QKI: variants seen among roughly 807,000 people sequenced by gnomAD.
QKI encodes the protein QKI, KH domain containing RNA binding, also known as KH domain-containing RNA-binding protein QKI.
In QKI, 10 loss-of-function variants were observed where a neutral mutation model predicts 39.0. The observed-to-expected ratio is 0.26, with a 90% CI of 0.16 to 0.43. QKI has a LOEUF of 0.43. QKI is among the 20% of genes least tolerant of loss of function. QKI has a pLI of 1.00. For missense variants in QKI, 218 were observed against 428.0 expected (o/e 0.51, Z 4.33); for synonymous variants, 204 against 155.4 (o/e 1.31, Z -2.33).
intron 3 of QKI, among the ~76,000 whole-genome samples, chr6:163,531,345 A>T (rs1161137368): frequency 6.6e-6 from 1 of 152,160 alleles, no homozygotes; most frequent in African/African-American, 2.4e-5. Context: ...CAGTTTGAGC[A>T]AGTGTTTTAC....
intron 1 of QKI, among the ~76,000 whole-genome samples, chr6:163,439,377 T>C (rs1789573483): frequency 1.4e-5 from 2 of 145,446 alleles, no homozygotes; most frequent in Non-Finnish European, 1.5e-5. Context: ...GGACGGAGTC[T>C]CACTCTGTTG....
intron 1 of QKI, among the ~76,000 whole-genome samples, chr6:163,425,739 T>C (rs1788356704): frequency 1.3e-5 from 2 of 152,192 alleles, no homozygotes; most frequent in Admixed American, 1.3e-4. Flanking sequence ...TCCTGAAGGA[T>C]TGAGAACATG....
intron 1 of QKI, among the ~76,000 whole-genome samples, chr6:163,441,123 G>A (rs570280061): frequency 4.6e-5 from 7 of 151,986 alleles, no homozygotes; most frequent in South Asian, 2.1e-4. Context: ...TTATTGGCTC[G>A]GTTTTTTTCT....
At chr6:163,570,510 A>C (rs1783641701) in intron 7 of QKI, 184 bp from the exon 8 acceptor site, 1 of 979,138 alleles carries the variant, frequency 1.0e-6, no homozygotes. Context: ...CGAAATTGTC[A>C]TGATTTTAAT....
intron 1 of QKI, among the ~76,000 whole-genome samples, chr6:163,442,769 G>A (rs1443813655): frequency 6.6e-6 from 1 of 152,126 alleles, no homozygotes; most frequent in Non-Finnish European, 1.5e-5. Context: ...AAGGGAGTTG[G>A]TGATAGGATT....
chr6:163,461,794 A>G (rs1008929218), intron 2 of QKI, among the ~76,000 whole-genome samples: 2 of 152,178 alleles, frequency 1.3e-5, no homozygotes, highest in Non-Finnish European at 2.9e-5. Flanking sequence ...CTCCGGGAGT[A>G]AAATGGCTAA....
chr6:163,564,737 G>A lies in QKI; in HGVS notation c.934+1018G>A, dbSNP rs142552776. The A allele has an allele frequency of 3.1e-6, 5 of 1,613,974 alleles. No homozygotes were observed. In the East Asian group the frequency reaches 1.1e-4, roughly 36 times the overall value. ...TTGCTGGATGAAGGACTAGAATACA[G>A]CAGCTGTTATAACACGACCAGTCAA... On this transcript the variant is annotated intron_variant, in intron 6 of 7. Coordinates refer to ENST00000361752, the MANE Select transcript of QKI (RefSeq NM_006775.3).
Position 163,415,048 on chromosome 6 carries a change from C to A in QKI, c.-146C>A. The stretch of plus-strand genomic sequence containing the variant: ...GCGCGCGGTGCCGGCCGCCCCGGGG[C>A]TCGGCGCGGGAGCCAGAGCGGGAGC... On this transcript the variant is annotated 5_prime_UTR_variant, in exon 1 of 8. Transcript: ENST00000361752. 1 of 844,530 alleles carries A rather than the reference C, an allele frequency of 1.2e-6. No individual in the cohort carries two copies. Among genetic ancestry groups the A allele is most frequent in the Non-Finnish European group, 1.4e-6 (1 of 705,058 alleles). 52.3% of individuals were successfully genotyped at this position (844,530 alleles called of 1,614,324 possible).
intron 1 of QKI, among the ~76,000 whole-genome samples, chr6:163,418,603 T>C (rs1370810933): frequency 6.6e-6 from 1 of 152,150 alleles, no homozygotes; most frequent in Non-Finnish European, 1.5e-5. Context: ...CATCATAAAA[T>C]ATAAAGGACA....
At chr6:163,418,190 G>C (rs1368821313) in intron 1 of QKI, among the ~76,000 whole-genome samples, 2 of 151,720 alleles carry the variant, frequency 1.3e-5, no homozygotes, top group Non-Finnish European at 2.9e-5. Flanking sequence ...GTTTGATGAA[G>C]TTAACATCGT....
chr6:163,529,678 G>C (rs1215719907), intron 3 of QKI, among the ~76,000 whole-genome samples: 1 of 152,166 alleles, frequency 6.6e-6, no homozygotes, highest in Non-Finnish European at 1.5e-5. Flanking sequence ...TGAGCCTATC[G>C]TGGGAAGTGA....
At chr6:163,480,020 T>G (rs1792953716) in intron 3 of QKI, among the ~76,000 whole-genome samples, 1 of 152,124 alleles carries the variant, frequency 6.6e-6, no homozygotes, top group Admixed American at 6.5e-5. Context: ...TTCTGTGGGT[T>G]TTTTTCTCCT....
At chr6:163,502,331 A>T (rs1381271523) in intron 3 of QKI, among the ~76,000 whole-genome samples, 1 of 152,140 alleles carries the variant, frequency 6.6e-6, no homozygotes, top group African/African-American at 2.4e-5. Flanking sequence ...TCAAAACAAA[A>T]CAAAACAAAC....
chr6:163,559,332 T>A (rs563570537), intron 4 of QKI, among the ~76,000 whole-genome samples: 1 of 152,344 alleles, frequency 6.6e-6, no homozygotes, highest in East Asian at 1.9e-4. Context: ...TCTTTTTTTA[T>A]GTAGAGTATA....
At chr6:163,513,914 A>G (rs934297156) in intron 3 of QKI, among the ~76,000 whole-genome samples, 6 of 151,972 alleles carry the variant, frequency 3.9e-5, no homozygotes, top group Admixed American at 1.3e-4. Flanking sequence ...GCACAGGGTA[A>G]TGCAGAGGCC....
At chr6:163,561,860 C>A in intron 4 of QKI, 122 bp from the exon 5 acceptor site, 2 of 626,210 alleles carry the variant, frequency 3.2e-6, no homozygotes, top group Non-Finnish European at 5.2e-6. Flanking sequence ...ATCTTTTTTT[C>A]CCCTTATTAA....
chr6:163,471,408 T>C (rs1583047199), intron 2 of QKI, among the ~76,000 whole-genome samples: 1 of 152,112 alleles, frequency 6.6e-6, no homozygotes, highest in South Asian at 2.1e-4. Flanking sequence ...GCAACAAAAA[T>C]GGTAAAATTG....
chr6:163,468,685 G>T (rs1190153455), intron 2 of QKI, among the ~76,000 whole-genome samples: 3 of 152,272 alleles, frequency 2.0e-5, no homozygotes, highest in African/African-American at 7.2e-5. Context: ...TAGGGTTAAT[G>T]AATATCTTTT....
intron 4 of QKI, among the ~76,000 whole-genome samples, chr6:163,553,767 T>A (rs1782411480): frequency 6.6e-6 from 1 of 152,236 alleles, no homozygotes; most frequent in Non-Finnish European, 1.5e-5. Context: ...TGTTTATACC[T>A]TGTTGAAGAG....
Sources: allele counts gnomAD v4.1 joint callset (sites outside exome capture counted in the v4.1 genomes callset), GRCh38; gene constraint gnomAD v4.1.1; transcripts MANE v1.5; gene names NCBI Gene and HGNC (gene_info 2026-07-23, HGNC 2026-07-21).